Variants in GLUD1 observed in about 807,000 individuals in gnomAD.
GLUD1 encodes the protein glutamate dehydrogenase 1, mitochondrial.
Under a neutral mutation model 56.0 loss-of-function variants are expected in GLUD1, and 22 were observed. The ratio of observed to expected loss-of-function variants is 0.39; its 90% CI spans 0.28 to 0.56. The LOEUF (loss-of-function observed/expected upper bound fraction) is 0.56, where lower values mean the gene tolerates loss of function less well. GLUD1 is among the 20% of genes least tolerant of loss of function. The pLI is 0.58. For missense variants in GLUD1, 451 were observed against 732.0 expected (o/e 0.62, Z 4.43); for synonymous variants, 223 against 269.9 (o/e 0.83, Z 1.70).
intron 6 of GLUD1, among the ~76,000 whole-genome samples, chr10:87,061,775 C>G (rs1845940665): frequency 6.6e-6 from 1 of 151,354 alleles, no homozygotes; most frequent in Non-Finnish European, 1.5e-5. Flanking sequence ...GCCATCATGC[C>G]CAGCTAATTT....
At chr10:87,072,973 A>G (rs1846278968) in intron 4 of GLUD1, among the ~76,000 whole-genome samples, 1 of 152,222 alleles carries the variant, frequency 6.6e-6, no homozygotes, top group South Asian at 2.1e-4. Flanking sequence ...ACAAGTTCAC[A>G]GTAGTGCTGG....
chr10:87,083,718 C>T (rs11202327), intron 1 of GLUD1, among the ~76,000 whole-genome samples: 1 of 152,158 alleles, frequency 6.6e-6, no homozygotes, highest in Non-Finnish European at 1.5e-5. Context: ...GGCATGGTGG[C>T]TCATGCCTGT....
intron 1 of GLUD1, among the ~76,000 whole-genome samples, chr10:87,082,844 G>A (rs1446364107): frequency 6.6e-6 from 1 of 152,164 alleles, no homozygotes; most frequent in East Asian, 1.9e-4. Flanking sequence ...CACAGAAGAA[G>A]CCAGTTACTC....
intron 1 of GLUD1, among the ~76,000 whole-genome samples, chr10:87,080,165 C>T (rs1050780345): frequency 3.9e-5 from 6 of 151,948 alleles, no homozygotes; most frequent in Non-Finnish European, 8.8e-5. Context: ...GTCTCCAGCT[C>T]CTAACCGCGA....
At chr10:87,073,235 T>C (rs1056418486) in intron 4 of GLUD1, among the ~76,000 whole-genome samples, 1 of 152,204 alleles carries the variant, frequency 6.6e-6, no homozygotes, top group African/African-American at 2.4e-5. Flanking sequence ...CAATCATAGC[T>C]CACTGCAGCC....
At chr10:87,058,846 G>A (rs1384874354) in intron 10 of GLUD1, among the ~76,000 whole-genome samples, 1 of 152,028 alleles carries the variant, frequency 6.6e-6, no homozygotes, top group Non-Finnish European at 1.5e-5. Context: ...AGCCGAGTTC[G>A]TGCCACTGCA....
intron 12 of GLUD1, 78 bp from the exon 13 acceptor site, chr10:87,051,948 G>T (rs1250317466): frequency 1.3e-6 from 2 of 1,542,946 alleles, no homozygotes; most frequent in African/African-American, 1.4e-5. Context: ...GCCCAGACAG[G>T]CCTGGTCCAA....
chr10:87,083,342 C>T (rs984113814), intron 1 of GLUD1, among the ~76,000 whole-genome samples: 6 of 152,086 alleles, frequency 3.9e-5, no homozygotes, highest in African/African-American at 1.2e-4. Flanking sequence ...ACATATACCT[C>T]AAAGTTCTGA....
At position 87,094,335 on chromosome 10, in the gene GLUD1, G is replaced by A. The variant is rs770090320; in HGVS notation, c.435C>T (p.Pro145=). ...CCGGCCGACGCTCACCTCCCTTGCA[G>A]GGCGTGCGGTGCTGGCTGTGCTGGG... The part of the protein sequence containing the change: ...YRAQHSQHRT[P]CKGGIRYSTD... The change falls in exon 1 of 13, where the codon CCC becomes CCT. Residue 145 remains proline (P), a synonymous_variant. Coordinates refer to ENST00000277865, the MANE Select transcript of GLUD1 (RefSeq NM_005271.5). This position sits in a 1 kb window ranked among gnomAD's most constrained non-coding sequence, Gnocchi z 6.6. The A allele has an allele frequency of 4.4e-6, 7 of 1,609,186 alleles. No individual in the cohort carries two copies. The highest frequency in any genetic ancestry group is 5.9e-6 in the Non-Finnish European group (7 of 1,178,428).
intron 5 of GLUD1, among the ~76,000 whole-genome samples, chr10:87,063,668 T>TTTTTTTTTTTTTTTTTTTTTTTTTTTGAG (rs1554906756): frequency 5.9e-5 from 9 of 152,198 alleles, no homozygotes; most frequent in Non-Finnish European, 8.8e-5. Flanking sequence ...AGGAAGTTTT[T>TTTTTTTTTTTTTTTTTTTTTTTTTTTGAG]AATATAACTT....
At chr10:87,088,318 AT>A (rs760868605) in intron 1 of GLUD1, among the ~76,000 whole-genome samples, 6 of 152,160 alleles carry the variant, frequency 3.9e-5, no homozygotes, top group Admixed American at 6.5e-5. Flanking sequence ...ATGAAAAAAA[AT>A]ATTCCAAGAA....
intron 4 of GLUD1, 115 bp downstream of exon 4, chr10:87,074,436 C>T (rs370874745): frequency 1.4e-4 from 104 of 719,654 alleles, no homozygotes; most frequent in South Asian, 1.2e-3. Context: ...AGGAGGCGGA[C>T]GAGATCGCAC....
At chr10:87,077,188 T>C (rs545610671) in intron 1 of GLUD1, among the ~76,000 whole-genome samples, 13 of 152,206 alleles carry the variant, frequency 8.5e-5, no homozygotes, top group Admixed American at 7.9e-4. Flanking sequence ...TTTTTGAATT[T>C]TTTGTAGAGA....
chr10:87,080,156 T>C (rs1564560061), intron 1 of GLUD1, among the ~76,000 whole-genome samples: 1 of 151,898 alleles, frequency 6.6e-6, no homozygotes, highest in Admixed American at 6.6e-5. Flanking sequence ...GCCGGGCTGG[T>C]CTCCAGCTCC....
chr10:87,079,639 T>A (rs1841150935), intron 1 of GLUD1, among the ~76,000 whole-genome samples: 1 of 152,076 alleles, frequency 6.6e-6, no homozygotes, highest in African/African-American at 2.4e-5. Context: ...TCTCCTAGGA[T>A]GGGTGTCACG....
chr10:87,065,408 G>T (rs1362435566), intron 5 of GLUD1, among the ~76,000 whole-genome samples: 1 of 152,022 alleles, frequency 6.6e-6, no homozygotes, highest in Non-Finnish European at 1.5e-5. Context: ...TGCCCAGCTG[G>T]TCTCTTGTTC....
intron 5 of GLUD1, 118 bp from the exon 6 acceptor site, chr10:87,062,953 T>C (rs1469483554): frequency 1.1e-5 from 10 of 908,980 alleles, no homozygotes; most frequent in African/African-American, 1.6e-5. Flanking sequence ...TAATTAGGAG[T>C]GTGTGTATGA....
intron 4 of GLUD1, among the ~76,000 whole-genome samples, chr10:87,070,757 A>G (rs1268542986): frequency 6.6e-6 from 1 of 152,166 alleles, no homozygotes; most frequent in Non-Finnish European, 1.5e-5. Context: ...CATCCAAAAC[A>G]AAATCACAAG....
At chr10:87,093,714 T>C (rs1201904988) in intron 1 of GLUD1, among the ~76,000 whole-genome samples, 1 of 151,988 alleles carries the variant, frequency 6.6e-6, no homozygotes, top group Non-Finnish European at 1.5e-5. Flanking sequence ...GTGTTTTTCC[T>C]TTTTTTTGGT....
Sources: gnomAD v4.1 joint callset for allele counts (sites outside exome capture counted in the v4.1 genomes callset) on GRCh38, gnomAD v4.1.1 for gene constraint, Gnocchi (gnomAD v3.1) non-coding constraint, MANE v1.5 for transcripts, NCBI Gene and HGNC (gene_info 2026-07-23, HGNC 2026-07-21) for gene names.